The following CDH12 variants were observed in gnomAD, a reference collection of about 807,000 sequenced individuals.
CDH12 encodes the protein cadherin 12.
CDH12 carries 41 observed loss-of-function variants against 74.1 expected under a neutral mutation model. The ratio of observed to expected loss-of-function variants is 0.55; its 90% confidence interval spans 0.43 to 0.72. The LOEUF is 0.72. Among genes scored for constraint, CDH12 ranks in the 30% least tolerant of loss-of-function variants. The pLI, the probability that CDH12 is intolerant of heterozygous loss-of-function variation, is 0.00. For synonymous variants in CDH12, 399 were observed against 355.0 expected (o/e 1.12, Z -1.39); for missense variants, 945 against 977.2 (o/e 0.97, Z 0.44).
At chr5:22,839,062 C>T (rs1736969989) in intron 1 of CDH12, among the ~76,000 whole-genome samples, 1 of 152,090 alleles carries the variant, frequency 6.6e-6, no homozygotes, top group African/African-American at 2.4e-5. Context: ...TTTTTGTTAA[C>T]ACGATTATGT....
chr5:22,329,734 G>T (rs1205466363), intron 3 of CDH12, among the ~76,000 whole-genome samples: 1 of 152,206 alleles, frequency 6.6e-6, no homozygotes, highest in Non-Finnish European at 1.5e-5. Context: ...GAACTCAGCA[G>T]TGCCCTATCA....
intron 5 of CDH12, among the ~76,000 whole-genome samples, chr5:22,023,857 A>G (rs1738164530): frequency 6.6e-6 from 1 of 152,148 alleles, no homozygotes; most frequent in Admixed American, 6.6e-5. Flanking sequence ...CCCAAGTTAG[A>G]GCCAAATTTG....
At chr5:22,240,846 T>C (rs1302850363) in intron 3 of CDH12, among the ~76,000 whole-genome samples, 1 of 152,158 alleles carries the variant, frequency 6.6e-6, no homozygotes, top group African/African-American at 2.4e-5. Context: ...CGGATAGTAA[T>C]TATTTTTAAC....
chr5:22,177,076 G>A (rs1749376985), intron 4 of CDH12, among the ~76,000 whole-genome samples: 3 of 152,008 alleles, frequency 2.0e-5, no homozygotes, highest in Non-Finnish European at 2.9e-5. Flanking sequence ...ATACGTATTT[G>A]TTTCTTGCTT....
intron 6 of CDH12, among the ~76,000 whole-genome samples, chr5:21,960,658 C>T (rs1168316348): frequency 6.6e-6 from 1 of 152,060 alleles, no homozygotes; most frequent in African/African-American, 2.4e-5. Context: ...GTATTCCTCA[C>T]CTTTACTGGG....
chr5:22,461,193 AATTTTTGT>A lies in CDH12; in HGVS notation c.-428+44069_-428+44076del, dbSNP rs568242511. Among the ~76,000 whole-genome samples the A allele has an allele frequency of 5.3e-5, 8 of 151,494 alleles. No homozygotes were observed. In the South Asian group the frequency reaches 1.7e-3, roughly 32 times the overall value. ...CAGGTGCGTGCCACCACACCTGGCT[AATTTTTGT>A]ATTTTTAGTAGAGACGAGGTTTCAC... On this transcript the variant is annotated intron_variant, in intron 2 of 14. Coordinates refer to ENST00000382254, the MANE Select transcript of CDH12 (RefSeq NM_004061.5).
intron 6 of CDH12, chr5:21,884,157 A>G: frequency 6.3e-7 from 1 of 1,581,782 alleles, no homozygotes; most frequent in East Asian, 2.2e-5. Context: ...TGACCCAACA[A>G]AGCTTGTGAG....
intron 5 of CDH12, among the ~76,000 whole-genome samples, chr5:22,074,399 A>G (rs1360669532): frequency 6.6e-6 from 1 of 152,200 alleles, no homozygotes; most frequent in African/African-American, 2.4e-5. Context: ...GGACATAGGC[A>G]TGGGCAAGGA....
chr5:21,790,144 C>T (rs1387037228), intron 10 of CDH12, among the ~76,000 whole-genome samples: 1 of 151,892 alleles, frequency 6.6e-6, no homozygotes, highest in African/African-American at 2.4e-5. Context: ...AAATTGATCA[C>T]CTTGTTTATA....
At chr5:22,551,942 T>C (rs1246251859) in intron 1 of CDH12, among the ~76,000 whole-genome samples, 3 of 151,868 alleles carry the variant, frequency 2.0e-5, no homozygotes, top group African/African-American at 7.2e-5. Context: ...TGATACACTT[T>C]AAATATTCTT....
chr5:22,053,072 GT>G (rs1197764898), intron 5 of CDH12, among the ~76,000 whole-genome samples: 409 of 140,456 alleles, frequency 2.9e-3, no homozygotes, highest in Non-Finnish European at 4.2e-3. Flanking sequence ...CGTTTTTTTT[GT>G]TTTTTTTTTT....
chr5:22,668,138 ATTTAT>A (rs1371324944), intron 1 of CDH12, among the ~76,000 whole-genome samples: 1 of 152,114 alleles, frequency 6.6e-6, no homozygotes, highest in Non-Finnish European at 1.5e-5. Flanking sequence ...AGTCTTTCTA[ATTTAT>A]TTTATTATCA....
At chr5:22,050,747 T>C (rs1740301199) in intron 5 of CDH12, among the ~76,000 whole-genome samples, 1 of 152,170 alleles carries the variant, frequency 6.6e-6, no homozygotes, top group Admixed American at 6.6e-5. Context: ...CTGTTCTCAA[T>C]ACTTGGTATT....
chr5:21,849,976 A>T (rs1396120278), intron 7 of CDH12, among the ~76,000 whole-genome samples: 3 of 151,722 alleles, frequency 2.0e-5, no homozygotes, highest in Non-Finnish European at 4.4e-5. Flanking sequence ...TCAACCTTAA[A>T]AAAGGAGATC....
intron 1 of CDH12, among the ~76,000 whole-genome samples, chr5:22,679,097 A>T (rs753276384): frequency 7.9e-5 from 12 of 152,256 alleles, no homozygotes; most frequent in Non-Finnish European, 1.3e-4. Flanking sequence ...TAACTACAGT[A>T]CCTTAAAACA....
intron 5 of CDH12, among the ~76,000 whole-genome samples, chr5:22,041,472 G>T (rs1225056076): frequency 6.6e-6 from 1 of 152,088 alleles, no homozygotes; most frequent in Admixed American, 6.6e-5. Flanking sequence ...AGAAAGTAAA[G>T]GAATGGAAGA....
chr5:22,283,802 C>T (rs1173861643), intron 3 of CDH12, among the ~76,000 whole-genome samples: 5 of 151,924 alleles, frequency 3.3e-5, no homozygotes, highest in South Asian at 2.1e-4. Context: ...CTCTGCAAGG[C>T]GATGGATATC....
chr5:21,939,453 A>C (rs1281813736), intron 6 of CDH12, among the ~76,000 whole-genome samples: 1 of 151,960 alleles, frequency 6.6e-6, no homozygotes, highest in East Asian at 1.9e-4. Context: ...GGTTACAATT[A>C]AATTTAACAT....
Position 22,700,004 on chromosome 5 carries a change from G to A in CDH12, c.-523+153054C>T, listed in dbSNP as rs369856988. Among the ~76,000 whole-genome samples the A allele has an allele frequency of 3.3e-5, 5 of 152,088 alleles. No homozygotes were observed. The East Asian group carries it at 5.8e-4, about 18-fold the overall frequency. On this transcript the variant is annotated intron_variant, in intron 1 of 14. Coordinates refer to ENST00000382254, the MANE Select transcript of CDH12 (RefSeq NM_004061.5). Reference sequence around the variant, plus strand: ...AGCCTGGTCAATAAGGTAAAAGCCCGTGTCTACAAAAATTAGCTGCATATG... The same window carrying A: ...AGCCTGGTCAATAAGGTAAAAGCCCATGTCTACAAAAATTAGCTGCATATG...
Sources: allele counts gnomAD v4.1 joint callset (sites outside exome capture counted in the v4.1 genomes callset), GRCh38; gene constraint gnomAD v4.1.1; transcripts MANE v1.5; gene names NCBI Gene and HGNC (gene_info 2026-07-23, HGNC 2026-07-21).